AIM2: variants seen among roughly 807,000 people sequenced by gnomAD.
AIM2 encodes the protein interferon-inducible protein AIM2.
AIM2 carries 30 observed loss-of-function variants against 27.7 expected under a neutral mutation model. The ratio of observed to expected loss-of-function variants is 1.08; its 90% confidence interval spans 0.81 to 1.47. The LOEUF is 1.47. Ranked by LOEUF, AIM2 falls within the 40% of genes most tolerant of loss-of-function variation. AIM2 has a pLI of 0.00. For missense variants in AIM2, 358 were observed against 411.3 expected (o/e 0.87, Z 1.12); for synonymous variants, 141 against 145.3 (o/e 0.97, Z 0.21).
upstream of AIM2, chr1:159,081,725 A>G (rs113065266): frequency 4.6e-6 from 1 of 218,164 alleles, no homozygotes; most frequent in East Asian, 1.4e-4. Flanking sequence ...AAAAAAGTCT[A>G]AAAGGACAAT....
intron 1 of AIM2, among the ~76,000 whole-genome samples, chr1:159,128,504 T>C (rs933838083): frequency 8.5e-5 from 13 of 152,290 alleles, no homozygotes; most frequent in African/African-American, 2.4e-4. Flanking sequence ...GTTCACTCAG[T>C]TACTCCCACT....
At chr1:159,106,913 G>T (rs1015900984) in intron 1 of AIM2, among the ~76,000 whole-genome samples, 1 of 152,206 alleles carries the variant, frequency 6.6e-6, no homozygotes, top group Non-Finnish European at 1.5e-5. Flanking sequence ...AGAGAGGTCT[G>T]TAAACTACAT....
At position 159,112,934 on chromosome 1, in the gene AIM2, C is replaced by CATATATATATATATATAT. The variant is rs71659252; in HGVS notation, c.-16+27496_-16+27497insATATATATATATATATAT. Among the ~76,000 whole-genome samples, 168 of 146,518 alleles carry CATATATATATATATATAT rather than the reference C, an allele frequency of 1.1e-3. 1 individual carries two copies. Among genetic ancestry groups the CATATATATATATATATAT allele is most frequent in the African/African-American group, 4.1e-3 (161 of 39,130 alleles). On this transcript the variant is annotated intron_variant, in intron 1 of 2. Transcript: ENST00000368129. ...ATGTTTCAAACCTAATATATACATA[C>CATATATATATATATATAT]ATATATATATATATATAATTTTTTT...
intron 1 of AIM2, among the ~76,000 whole-genome samples, chr1:159,101,325 T>C (rs1409212289): frequency 1.3e-5 from 2 of 152,218 alleles, no homozygotes; most frequent in Non-Finnish European, 2.9e-5. Context: ...GGGTGCCTTC[T>C]GCCTAGATTG....
chr1:159,115,577 A>C (rs993604372), intron 1 of AIM2, among the ~76,000 whole-genome samples: 1 of 152,212 alleles, frequency 6.6e-6, no homozygotes, highest in Non-Finnish European at 1.5e-5. Flanking sequence ...AAAACAAAAA[A>C]CGGGGAAACG....
chr1:159,109,344 T>C (rs753732755), intron 1 of AIM2, among the ~76,000 whole-genome samples: 5 of 152,150 alleles, frequency 3.3e-5, no homozygotes, highest in East Asian at 1.9e-4. Flanking sequence ...ACTGGGCTAA[T>C]TGGCTAGCCA....
chr1:159,061,558 ATTTTTTTTTT>A (rs945588968), downstream of AIM2, among the ~76,000 whole-genome samples: 37 of 83,116 alleles, frequency 4.5e-4, no homozygotes, highest in African/African-American at 1.9e-3. Flanking sequence ...GTGCCCGGCT[ATTTTTTTTTT>A]TTTTTTTTTT....
At chr1:159,083,185 CCAAA>C (rs1186710992) in intron 1 of AIM2, among the ~76,000 whole-genome samples, 31 of 152,040 alleles carry the variant, frequency 2.0e-4, no homozygotes, top group Admixed American at 2.0e-3. Context: ...ATGTAAAACA[CCAAA>C]CAGTGATTTA....
At chr1:159,095,398 C>G (rs910953117) in intron 1 of AIM2, among the ~76,000 whole-genome samples, 2 of 152,192 alleles carry the variant, frequency 1.3e-5, no homozygotes, top group Non-Finnish European at 2.9e-5. Flanking sequence ...GTTGCATGTA[C>G]TTGAGCCATG....
intron 1 of AIM2, among the ~76,000 whole-genome samples, chr1:159,122,917 C>T (rs1038197465): frequency 3.3e-5 from 5 of 152,030 alleles, no homozygotes; most frequent in African/African-American, 1.2e-4. Flanking sequence ...TGTGTTGAGC[C>T]CTGTTTTTGA....
chr1:159,127,560 AC>A (rs1180930041), intron 1 of AIM2, among the ~76,000 whole-genome samples: 1 of 152,252 alleles, frequency 6.6e-6, no homozygotes, highest in African/African-American at 2.4e-5. Context: ...AAGAAAGAAT[AC>A]CTTGGTGAAG....
At chr1:159,061,789 C>A (rs1032605505), downstream of AIM2, among the ~76,000 whole-genome samples, 2 of 151,860 alleles carry the variant, frequency 1.3e-5, no homozygotes, top group Non-Finnish European at 2.9e-5. Context: ...TTAATGGTAC[C>A]TTTTGAAGAA....
In AIM2 at chr1:159,062,488, TG is replaced by T; in HGVS notation, c.*203del. On this transcript the variant is annotated 3_prime_UTR_variant, in exon 6 of 6. Transcript: ENST00000368130. ...AAGGAGATAGTGGGACTGTAATGAA[TG>T]AGAAACAGATGTTTATTGTGATCAT... 1.7e-6 allele frequency: 1 copy of T among 592,160 alleles called. No homozygotes were observed. Among genetic ancestry groups the T allele is most frequent in the Non-Finnish European group, 3.0e-6 (1 of 333,664 alleles). The allele number at this position is 592,160 out of a possible 1,614,324, so 36.7% of individuals were successfully genotyped here.
Position 159,084,814 on chromosome 1 carries a change from CAT to C in AIM2, c.-15-18487_-15-18486del, listed in dbSNP as rs1491290096. Among the ~76,000 whole-genome samples the C allele has an allele frequency of 3.9e-4, 54 of 139,744 alleles. No homozygotes were observed. In the Middle Eastern group the frequency reaches 0.011, roughly 29 times the overall value. 91.7% of individuals were successfully genotyped at this position (139,744 alleles called of 152,430 possible). On this transcript the variant is annotated intron_variant, in intron 1 of 2. Coordinates refer to the AIM2 transcript ENST00000368129. ...ACACACACACACACACACACACACA[CAT>C]ACAGACACACACACACATCCCTCAG...
chr1:159,099,539 CTG>C (rs950310578), intron 1 of AIM2, among the ~76,000 whole-genome samples: 2 of 152,174 alleles, frequency 1.3e-5, no homozygotes, highest in African/African-American at 4.8e-5. Context: ...TCACATCACT[CTG>C]TGCCCATTTC....
intron 1 of AIM2, among the ~76,000 whole-genome samples, chr1:159,106,689 CA>C (rs1657455744): frequency 6.6e-6 from 1 of 152,124 alleles, no homozygotes; most frequent in Non-Finnish European, 1.5e-5. Context: ...TACAAAATCC[CA>C]AAAGGAACAA....
At chr1:159,130,709 C>G (rs1647847226) in intron 1 of AIM2, among the ~76,000 whole-genome samples, 2 of 152,108 alleles carry the variant, frequency 1.3e-5, no homozygotes, top group South Asian at 4.1e-4. Flanking sequence ...CTCAAACTGT[C>G]TCCAACCTAG....
At chr1:159,070,837 TAA>T (rs1161913789) in intron 2 of AIM2, among the ~76,000 whole-genome samples, 3 of 152,190 alleles carry the variant, frequency 2.0e-5, no homozygotes, top group African/African-American at 7.2e-5. Context: ...GGTATGCAGA[TAA>T]AGTCTCTCTT....
chr1:159,100,437 G>C (rs1409965143), intron 1 of AIM2, among the ~76,000 whole-genome samples: 4 of 152,236 alleles, frequency 2.6e-5, no homozygotes, highest in African/African-American at 9.6e-5. Context: ...CCAAGGGAAA[G>C]AGGGAGGAAG....
Sources: allele counts gnomAD v4.1 joint callset (sites outside exome capture counted in the v4.1 genomes callset), GRCh38; gene constraint gnomAD v4.1.1; transcripts MANE v1.5; gene names NCBI Gene and HGNC (gene_info 2026-07-23, HGNC 2026-07-21).